PHF24: variants seen among roughly 807,000 people sequenced by gnomAD.
PHF24 encodes the protein PHD finger protein 24, also known as Galpha inhibitory interacting protein.
Under a neutral mutation model 42.6 loss-of-function variants are expected in PHF24, and 25 were observed. The observed-to-expected ratio is 0.59, with a 90% CI of 0.43 to 0.82. The LOEUF (loss-of-function observed/expected upper bound fraction) is 0.82. Among genes scored for constraint, PHF24 ranks in the 40% least tolerant of loss-of-function variants. The pLI is 0.00. For synonymous variants in PHF24, 185 were observed against 204.8 expected (o/e 0.90, Z 0.83); for missense variants, 470 against 538.1 (o/e 0.87, Z 1.25).
At chr9:34,788,880 C>T in the PHF24 span, among the ~76,000 whole-genome samples, 610 of 152,252 alleles carry the variant, frequency 4.0e-3, 2 homozygotes, top group Non-Finnish European at 6.9e-3. Flanking sequence ...GCTCACTCTG[C>T]AGTTAACCTG....
At chr9:34,723,709 C>T in the PHF24 span, 1 of 1,551,716 alleles carries the variant, frequency 6.4e-7, no homozygotes, top group Non-Finnish European at 8.7e-7. Context: ...AAGGCTTAGC[C>T]TGAGTTGGTT....
At chr9:34,857,958 G>T in the PHF24 span, among the ~76,000 whole-genome samples, 1 of 125,086 alleles carries the variant, frequency 8.0e-6, no homozygotes, top group Middle Eastern at 4.3e-3. Context: ...TGGTTCTTTT[G>T]AATTGTTTCT....
At chr9:34,699,765 C>T in the PHF24 span, among the ~76,000 whole-genome samples, 1 of 152,204 alleles carries the variant, frequency 6.6e-6, no homozygotes, top group Non-Finnish European at 1.5e-5. Flanking sequence ...GTGCCAGACA[C>T]CGTTCTTGGC....
chr9:34,972,747 C>T (rs985671967), intron 3 of PHF24, among the ~76,000 whole-genome samples: 1 of 152,066 alleles, frequency 6.6e-6, no homozygotes, highest in Non-Finnish European at 1.5e-5. Flanking sequence ...AACCCCATCT[C>T]TACTAAAAAT....
At chr9:34,978,296 TGCCACAAGGAGAA>T (rs139047747) in exon 8 of PHF24, 17,906 of 590,196 alleles carry the variant, frequency 0.03, 345 homozygotes, top group Middle Eastern at 0.054. Flanking sequence ...GTGAATGCAT[TGCCACAAGGAGAA>T]GCCCTGGGAG....
At chr9:34,969,124 G>T (rs1040342202) in intron 1 of PHF24, among the ~76,000 whole-genome samples, 14 of 152,216 alleles carry the variant, frequency 9.2e-5, no homozygotes, top group Non-Finnish European at 1.6e-4. Context: ...AAGAAGGGAG[G>T]CCAGACCATG....
the PHF24 span, among the ~76,000 whole-genome samples, chr9:34,870,916 A>G: frequency 6.6e-6 from 1 of 152,328 alleles, no homozygotes. Context: ...ATAAACATCC[A>G]TGTGGTTTTT....
At chr9:34,865,457 G>A in the PHF24 span, among the ~76,000 whole-genome samples, 3 of 151,552 alleles carry the variant, frequency 2.0e-5, no homozygotes, top group East Asian at 2.0e-4. Flanking sequence ...CCAGCCACTC[G>A]GGAGGCTGAG....
the PHF24 span, among the ~76,000 whole-genome samples, chr9:34,949,569 A>G: frequency 6.6e-6 from 1 of 152,186 alleles, no homozygotes; most frequent in Non-Finnish European, 1.5e-5. Context: ...CTGCAGCACT[A>G]TTTACAATAG....
the PHF24 span, among the ~76,000 whole-genome samples, chr9:34,784,101 T>C: frequency 2.6e-5 from 4 of 152,346 alleles, no homozygotes; most frequent in South Asian, 6.2e-4. Context: ...GTAATCTCCC[T>C]GCATGGCTGG....
the PHF24 span, among the ~76,000 whole-genome samples, chr9:34,685,984 C>T: frequency 1.3e-5 from 2 of 152,246 alleles, no homozygotes; most frequent in Non-Finnish European, 2.9e-5. Context: ...CCTGGGCAGG[C>T]GACTTAACCT....
At chr9:34,803,759 G>T in the PHF24 span, among the ~76,000 whole-genome samples, 1 of 152,152 alleles carries the variant, frequency 6.6e-6, no homozygotes, top group Non-Finnish European at 1.5e-5. Context: ...CTGGCTTCTT[G>T]CAGTAGACCG....
At chr9:34,781,190 A>C in the PHF24 span, among the ~76,000 whole-genome samples, 1 of 152,256 alleles carries the variant, frequency 6.6e-6, no homozygotes, top group Non-Finnish European at 1.5e-5. Flanking sequence ...TTATAACAGC[A>C]TAATTCAACA....
the PHF24 span, among the ~76,000 whole-genome samples, chr9:34,858,355 C>T: frequency 9.2e-5 from 14 of 152,150 alleles, no homozygotes; most frequent in Admixed American, 3.9e-4. Flanking sequence ...AGTTCTTGGG[C>T]AGGCTGGCTT....
chr9:34,820,334 A>G, the PHF24 span, among the ~76,000 whole-genome samples: 6 of 152,084 alleles, frequency 3.9e-5, no homozygotes, highest in Admixed American at 1.3e-4. Context: ...TTCATCACCC[A>G]GGTAATAAAC....
At chr9:34,915,308 C>T in the PHF24 span, among the ~76,000 whole-genome samples, 1 of 152,000 alleles carries the variant, frequency 6.6e-6, no homozygotes, top group South Asian at 2.1e-4. Context: ...TTTTCCTAGT[C>T]AAAGCATTTT....
At chr9:34,836,763 TTC>T in the PHF24 span, among the ~76,000 whole-genome samples, 2 of 152,216 alleles carry the variant, frequency 1.3e-5, no homozygotes, top group African/African-American at 2.4e-5. Flanking sequence ...GCAAAATCCA[TTC>T]TCTTGACTGG....
At chr9:34,968,099 TCATAA>T (rs944795290) in intron 1 of PHF24, among the ~76,000 whole-genome samples, 27 of 152,200 alleles carry the variant, frequency 1.8e-4, no homozygotes, top group Middle Eastern at 3.4e-3. Context: ...AAAAATTAGA[TCATAA>T]CATGAGCATT....
the PHF24 span, among the ~76,000 whole-genome samples, chr9:34,936,753 C>T: frequency 5.5e-3 from 825 of 151,256 alleles, 4 homozygotes; most frequent in Non-Finnish European, 9.1e-3. Context: ...CACCTCTGCC[C>T]GGCCGCGACC....
Sources: allele counts gnomAD v4.1 joint callset (sites outside exome capture counted in the v4.1 genomes callset), GRCh38; gene constraint gnomAD v4.1.1; transcripts MANE v1.5; gene names NCBI Gene and HGNC (gene_info 2026-07-23, HGNC 2026-07-21).